UNC13B: variants seen among roughly 807,000 people sequenced by gnomAD.
UNC13B encodes the protein unc-13 homolog B.
A neutral mutation model predicts 211.0 loss-of-function variants in UNC13B; 144 were observed. The observed-to-expected ratio is 0.68, with a 90% CI of 0.60 to 0.78. UNC13B has a LOEUF of 0.78. UNC13B is among the 30% of genes least tolerant of loss of function. The pLI is 0.00. For synonymous variants in UNC13B, 709 were observed against 725.8 expected (o/e 0.98, Z 0.37); for missense variants, 1,777 against 2,002.0 (o/e 0.89, Z 2.14).
intron 1 of UNC13B, among the ~76,000 whole-genome samples, chr9:35,209,132 A>G (rs1823823321): frequency 6.6e-6 from 1 of 152,024 alleles, no homozygotes; most frequent in Admixed American, 6.5e-5. Context: ...TGGCACAATC[A>G]CGGCTCACTG....
chr9:35,326,208 C>T (rs185238366), intron 11 of UNC13B, among the ~76,000 whole-genome samples: 1 of 152,156 alleles, frequency 6.6e-6, no homozygotes. Flanking sequence ...ATTTGCATTT[C>T]CTTAGTAACT....
chr9:35,367,061 C>T, intron 12 of UNC13B, 68 bp downstream of exon 12: 1 of 1,497,872 alleles, frequency 6.7e-7, no homozygotes, highest in Non-Finnish European at 9.3e-7. Flanking sequence ...AGCTTTTCCC[C>T]TGGGAAGCAG....
intron 27 of UNC13B, 83 bp downstream of exon 27, chr9:35,396,685 C>T: frequency 6.2e-7 from 1 of 1,601,114 alleles, no homozygotes; most frequent in Non-Finnish European, 8.5e-7. Flanking sequence ...TTCAGCAAGC[C>T]AGTCTCGGGG....
chr9:35,235,574 G>A (rs559306825), intron 3 of UNC13B, among the ~76,000 whole-genome samples: 57 of 152,196 alleles, frequency 3.7e-4, no homozygotes, highest in African/African-American at 1.3e-3. Flanking sequence ...AAGTAGCTGG[G>A]ATTACAGGTG....
intron 26 of UNC13B, among the ~76,000 whole-genome samples, chr9:35,395,834 T>C (rs1182520522): frequency 6.6e-6 from 1 of 152,210 alleles, no homozygotes; most frequent in Non-Finnish European, 1.5e-5. Flanking sequence ...TGGCTGTGTT[T>C]CCATAGTTTC....
intron 11 of UNC13B, among the ~76,000 whole-genome samples, chr9:35,343,299 T>G (rs750364179): frequency 5.3e-5 from 8 of 152,222 alleles, no homozygotes; most frequent in Non-Finnish European, 7.3e-5. Flanking sequence ...ATATAATCTC[T>G]TACTACTGTG....
intron 1 of UNC13B, among the ~76,000 whole-genome samples, chr9:35,196,324 A>C (rs1395970667): frequency 2.6e-5 from 4 of 152,248 alleles, no homozygotes; most frequent in Non-Finnish European, 5.9e-5. Flanking sequence ...CCATGCATAG[A>C]ACTGGCTAGA....
rs146809876 is a variant in UNC13B at position 35,399,191 on chromosome 9, G to C, written c.12105G>C (p.Lys4035Asn). ...NLTLFATVCE[K>N]TVLKRVLKEL... is the part of the protein sequence containing the mutation. ...CCCTCTTTGCCACTGTGTGTGAGAAGACGGTTCTGAAGCGTGTACTGAAGG... is the reference window on the plus strand; with the variant it reads ...CCCTCTTTGCCACTGTGTGTGAGAACACGGTTCTGAAGCGTGTACTGAAGG... The change falls in exon 34 of 40, where the codon AAG (lysine) becomes AAC (asparagine). Residue 4035 changes from lysine (K) to asparagine (N), a missense_variant. Physicochemically the swap from Lys to Asn is moderately conservative, Grantham distance 94. Coordinates refer to ENST00000635942, the MANE Select transcript of UNC13B (RefSeq NM_001371189.2). 6.2e-7 allele frequency: 1 copy of C among 1,614,040 alleles called. No homozygotes were observed. The highest frequency in any genetic ancestry group is 1.3e-5 in the African/African-American group (1 of 74,906).
intron 7 of UNC13B, among the ~76,000 whole-genome samples, chr9:35,281,896 A>G (rs1233392833): frequency 5.3e-5 from 8 of 152,206 alleles, no homozygotes; most frequent in African/African-American, 1.7e-4. Flanking sequence ...GGGTACTGCA[A>G]GTTGAAAATT....
chr9:35,291,063 T>A, intron 7 of UNC13B: 1 of 1,550,238 alleles, frequency 6.5e-7, no homozygotes, highest in Non-Finnish European at 8.7e-7. Flanking sequence ...TTTGTGGTTT[T>A]CTTAGGTCAC....
At position 35,208,601 on chromosome 9, in the gene UNC13B, C is replaced by T. The variant is rs188852598; in HGVS notation, c.23-19414C>T. 2.0e-5 allele frequency among the ~76,000 whole-genome samples: 3 copies of T among 152,268 alleles called. No individual in the cohort carries two copies. The East Asian group carries it at 5.8e-4, about 29-fold the overall frequency. ...AGGGAGGCAGAGACATCTTACATGGCAGAAGCAAGAGCAAGAGTGGGGAGG... is the reference window on the plus strand; with the variant it reads ...AGGGAGGCAGAGACATCTTACATGGTAGAAGCAAGAGCAAGAGTGGGGAGG... On this transcript the variant is annotated intron_variant, in intron 1 of 39. Transcript: ENST00000635942.
At chr9:35,388,858 G>T in intron 24 of UNC13B, among the ~76,000 whole-genome samples, 1 of 152,226 alleles carries the variant, frequency 6.6e-6, no homozygotes, top group East Asian at 1.9e-4. Flanking sequence ...GATCACGATA[G>T]CTGCAAGGAG....
At chr9:35,348,971 G>A (rs904077298) in intron 11 of UNC13B, among the ~76,000 whole-genome samples, 1 of 151,962 alleles carries the variant, frequency 6.6e-6, no homozygotes, top group Non-Finnish European at 1.5e-5. Flanking sequence ...AGGCTGGAGT[G>A]CAGTGGTGCG....
chr9:35,226,918 A>G (rs1824879166), intron 1 of UNC13B, among the ~76,000 whole-genome samples: 1 of 152,224 alleles, frequency 6.6e-6, no homozygotes, highest in Non-Finnish European at 1.5e-5. Context: ...CACATTACAG[A>G]ACCATTATTA....
intron 12 of UNC13B, among the ~76,000 whole-genome samples, chr9:35,369,443 A>G (rs1019956597): frequency 2.0e-5 from 3 of 152,224 alleles, no homozygotes; most frequent in Admixed American, 6.5e-5. Flanking sequence ...TTAATAGAAG[A>G]ACTGGAGTTA....
intron 1 of UNC13B, among the ~76,000 whole-genome samples, chr9:35,225,094 A>G (rs1824759678): frequency 6.6e-6 from 1 of 152,126 alleles, no homozygotes; most frequent in African/African-American, 2.4e-5. Flanking sequence ...CTGAATGGGG[A>G]AAAGTTGAAA....
In UNC13B at chr9:35,302,338, A is replaced by G. The variant is rs1829726131; in HGVS notation, c.2934A>G (p.Leu978=). The G allele has an allele frequency of 5.0e-6, 2 of 398,504 alleles. No homozygotes were observed. The highest frequency in any genetic ancestry group is 8.9e-6 in the Non-Finnish European group (2 of 225,766). 24.7% of individuals were successfully genotyped at this position (398,504 alleles called of 1,614,324 possible). Residue 978 remains leucine (L), a synonymous_variant, in exon 9 of 40, where the codon CTA becomes CTG. Transcript: ENST00000635942. The part of the protein sequence containing the change: ...SSSVPNIHDD[L]EKFDSIKEFN... ...CAGTTCCAAATATTCATGATGATCT[A>G]GAGAAGTTTGACAGTATAAAGGAAT...
chr9:35,241,312 TCC>T (rs1825794650), intron 5 of UNC13B, among the ~76,000 whole-genome samples: 3 of 152,166 alleles, frequency 2.0e-5, no homozygotes, highest in Non-Finnish European at 2.9e-5. Context: ...TTTAACCACT[TCC>T]TGTTGGGTAT....
At chr9:35,185,583 C>T (rs183295827) in intron 1 of UNC13B, among the ~76,000 whole-genome samples, 1 of 152,238 alleles carries the variant, frequency 6.6e-6, no homozygotes, top group East Asian at 1.9e-4. Flanking sequence ...TTTCTCAAAT[C>T]CCGCTAGTTT....
Sources: allele counts gnomAD v4.1 joint callset (sites outside exome capture counted in the v4.1 genomes callset), GRCh38; gene constraint gnomAD v4.1.1; transcripts MANE v1.5; gene names NCBI Gene and HGNC (gene_info 2026-07-23, HGNC 2026-07-21).